Variants in MARCHF6 observed in about 807,000 individuals in gnomAD.
MARCHF6 encodes the protein E3 ubiquitin-protein ligase MARCHF6.
MARCHF6 carries 31 observed loss-of-function variants against 133.7 expected under a neutral mutation model. The observed-to-expected ratio is 0.23, with a 90% CI of 0.17 to 0.31. The LOEUF (loss-of-function observed/expected upper bound fraction) is 0.31. MARCHF6 is among the 10% of genes least tolerant of loss of function. The pLI is 1.00. For synonymous variants in MARCHF6, 395 were observed against 402.5 expected, an observed-to-expected ratio of 0.98 and a Z score of 0.22; for missense variants, 723 against 1,121.6, an observed-to-expected ratio of 0.64 and a Z score of 5.08.
chr5:10,429,086 ACT>A (rs1250764203), intron 24 of MARCHF6, among the ~76,000 whole-genome samples: 3 of 152,138 alleles, frequency 2.0e-5, no homozygotes, highest in African/African-American at 7.2e-5. Context: ...CAGATTTCAA[ACT>A]CAGCTCCAGA....
At chr5:10,402,289 A>G (rs1738587922) in intron 12 of MARCHF6, 95 bp from the exon 13 acceptor site, 1 of 1,250,538 alleles carries the variant, frequency 8.0e-7, no homozygotes. Context: ...TGTGAAATAA[A>G]TTAATTCTGT....
chr5:10,394,729 G>T, intron 8 of MARCHF6, 24 bp from the exon 9 acceptor site: 1 of 1,567,208 alleles, frequency 6.4e-7, no homozygotes, highest in Non-Finnish European at 8.7e-7. Flanking sequence ...TTAAATTAAT[G>T]CTTATCGTTT....
intron 21 of MARCHF6, 85 bp from the exon 22 acceptor site, chr5:10,417,185 G>A: frequency 1.4e-6 from 2 of 1,476,388 alleles, no homozygotes; most frequent in South Asian, 1.3e-5. Context: ...TGCTCTGTTA[G>A]GCATCAGTCT....
chr5:10,429,771 A>G, intron 24 of MARCHF6, 122 bp from the exon 25 acceptor site: 1 of 741,520 alleles, frequency 1.3e-6, no homozygotes, highest in Admixed American at 2.7e-5. Flanking sequence ...TAGAAAGTTA[A>G]CAGACCTGGG....
rs1189037446 is a variant in MARCHF6, at chr5:10,435,814, T to A, written c.*2130T>A. 2 of 142,436 alleles carry A rather than the reference T, an allele frequency of 1.4e-5. No individual in the cohort carries two copies. Among genetic ancestry groups the A allele is most frequent in the Non-Finnish European group, 3.0e-5 (2 of 66,324 alleles). 8.8% of individuals were successfully genotyped at this position (142,436 alleles called of 1,614,324 possible). ...TCACTGCACCCTCTGCCTCCCAGGT[T>A]CAAGCGATTCTCCTGCCTCAGCCTC... On this transcript the variant is annotated 3_prime_UTR_variant, in exon 26 of 26. Transcript: ENST00000274140.
intron 24 of MARCHF6, among the ~76,000 whole-genome samples, chr5:10,428,313 A>C (rs931361236): frequency 1.3e-5 from 2 of 150,972 alleles, no homozygotes. Context: ...AATATATTTC[A>C]AAGCCCATTG....
Position 10,407,119 on chromosome 5 carries a change from T to G in MARCHF6, c.1470T>G (p.Ile490Met), listed in dbSNP as rs768723915. Residue 490 changes from isoleucine (I) to methionine (M), a missense_variant, in exon 17 of 26, where the codon ATT becomes ATG. Ile to Met is a conservative substitution (Grantham distance 10). Coordinates refer to ENST00000274140, the MANE Select transcript of MARCHF6 (RefSeq NM_005885.4). ...FILSVIVFGS[I>M]VLLMLWLPIR... Reference sequence around the variant, plus strand: ...TTCTGCAGATTGTCTTTGGCTCCATTGTCCTCCTGATGCTTTGGCTTCCTA... The same window carrying G: ...TTCTGCAGATTGTCTTTGGCTCCATGGTCCTCCTGATGCTTTGGCTTCCTA... 1.2e-6 allele frequency: 2 copies of G among 1,611,544 alleles called. No homozygotes were observed. The highest frequency in any genetic ancestry group is 1.3e-5 in the African/African-American group (1 of 74,886).
At chr5:10,431,626 A>AGTGTGTGT (rs10574367) in intron 25 of MARCHF6, among the ~76,000 whole-genome samples, 1 of 148,388 alleles carries the variant, frequency 6.7e-6, no homozygotes, top group African/African-American at 2.5e-5. Flanking sequence ...AGAGTGAGTG[A>AGTGTGTGT]GTGTGTGTGT....
intron 16 of MARCHF6, among the ~76,000 whole-genome samples, chr5:10,406,299 C>G (rs542118499): frequency 6.6e-6 from 1 of 152,224 alleles, no homozygotes; most frequent in South Asian, 2.1e-4. Flanking sequence ...GCAATGGAGA[C>G]TTACTACTGG....
rs541765736 is a variant in MARCHF6 at position 10,374,279 on chromosome 5, C to T, written c.20-3519C>T. Among the ~76,000 whole-genome samples the T allele has an allele frequency of 1.1e-3, 165 of 152,258 alleles. 1 individual carries two copies. The highest frequency in any genetic ancestry group is 3.8e-3 in the African/African-American group (157 of 41,536). On this transcript the variant is annotated intron_variant, in intron 1 of 25. Transcript: ENST00000274140. The stretch of plus-strand genomic sequence containing the variant: ...AGGGCAAGCCTGGTGCTGGCAGCCA[C>T]GGTAATCCCACTTTCAATGTGGTGT...
In MARCHF6 at chr5:10,433,927, G is replaced by A; in HGVS notation, c.*243G>A. On this transcript the variant is annotated 3_prime_UTR_variant, in exon 26 of 26. Transcript: ENST00000274140. ...AAGTTCCTTGATACCCTAAAACCTT[G>A]GATTAAACAGAATGTGCATTGTACA... is the stretch of plus-strand genomic sequence containing the variant. 4.3e-6 allele frequency: 2 copies of A among 468,970 alleles called. No homozygotes were observed. Among genetic ancestry groups the A allele is most frequent in the Non-Finnish European group, 7.8e-6 (2 of 258,012 alleles). 29.1% of individuals were successfully genotyped at this position (468,970 alleles called of 1,614,324 possible).
At chr5:10,354,520 A>T (rs1735325231) in intron 1 of MARCHF6, 1 of 152,162 alleles carries the variant, frequency 6.6e-6, no homozygotes, top group Non-Finnish European at 1.5e-5. Flanking sequence ...AATCCTTGAC[A>T]CCTATAAGCA....
In MARCHF6 at chr5:10,402,064, A is replaced by G. The variant is rs1245211998; in HGVS notation, c.978A>G (p.Gln326=). ...TACTTTTTTCTTATTTCCAGGTCCA[A>G]GCATCTCATTTTGAAGGCCTAATCA... is the stretch of plus-strand genomic sequence containing the variant. The part of the protein sequence containing the change: ...LVGLGFEEHV[Q]ASHFEGLITT... The change falls in exon 12 of 26, where the codon CAA becomes CAG. Residue 326 remains glutamine, a synonymous_variant. Coordinates refer to ENST00000274140, the MANE Select transcript of MARCHF6 (RefSeq NM_005885.4). The G allele has an allele frequency of 5.0e-6, 8 of 1,595,710 alleles. No homozygotes were observed. The highest frequency in any genetic ancestry group is 4.0e-5 in the African/African-American group (3 of 74,534).
intron 1 of MARCHF6, among the ~76,000 whole-genome samples, chr5:10,367,383 G>A (rs1736199214): frequency 6.6e-6 from 1 of 152,078 alleles, no homozygotes. Flanking sequence ...GGGTATATGG[G>A]AACTCTGTAC....
intron 1 of MARCHF6, among the ~76,000 whole-genome samples, chr5:10,377,248 G>GT (rs1020731618): frequency 3.3e-5 from 5 of 152,076 alleles, no homozygotes; most frequent in African/African-American, 1.2e-4. Flanking sequence ...TGGCTTTGGG[G>GT]TATCCCCTCC....
At chr5:10,395,495 A>G (rs187842223) in intron 9 of MARCHF6, among the ~76,000 whole-genome samples, 18 of 152,262 alleles carry the variant, frequency 1.2e-4, no homozygotes, top group Admixed American at 1.1e-3. Context: ...GAACTTTGCC[A>G]TATTAGTAAA....
At chr5:10,379,114 G>A (rs62364285) in intron 3 of MARCHF6, among the ~76,000 whole-genome samples, 9 of 151,540 alleles carry the variant, frequency 5.9e-5, no homozygotes, top group Admixed American at 3.3e-4. Flanking sequence ...AGACAGGTTC[G>A]AACACATGCA....
At chr5:10,410,046 G>A (rs1739128662) in intron 17 of MARCHF6, 93 bp from the exon 18 acceptor site, 1 of 1,291,936 alleles carries the variant, frequency 7.7e-7, no homozygotes, top group South Asian at 1.3e-5. Flanking sequence ...AAGACAGTAA[G>A]TTTATTAGAT....
intron 1 of MARCHF6, among the ~76,000 whole-genome samples, chr5:10,369,444 C>G (rs898602121): frequency 6.6e-6 from 1 of 152,064 alleles, no homozygotes; most frequent in Non-Finnish European, 1.5e-5. Flanking sequence ...TCTTTCTTCC[C>G]ACATGTCTGT....
Sources: allele counts gnomAD v4.1 joint callset (sites outside exome capture counted in the v4.1 genomes callset), GRCh38; gene constraint gnomAD v4.1.1; transcripts MANE v1.5; gene names NCBI Gene and HGNC (gene_info 2026-07-23, HGNC 2026-07-21).